SFSWAP: variants seen among roughly 807,000 people sequenced by gnomAD.
SFSWAP encodes the protein splicing factor SWAP, also known as splicing factor, suppressor of white-apricot homolog.
SFSWAP carries 17 observed loss-of-function variants against 100.7 expected under a neutral mutation model. The ratio of observed to expected loss-of-function variants is 0.17; its 90% CI spans 0.12 to 0.25. The LOEUF (loss-of-function observed/expected upper bound fraction) is 0.25. Among genes scored for constraint, SFSWAP ranks in the 10% least tolerant of loss-of-function variants. The pLI is 1.00. For missense variants in SFSWAP, 1,005 were observed against 1,262.6 expected (o/e 0.80, Z 3.09); for synonymous variants, 504 against 510.1 (o/e 0.99, Z 0.16).
intron 7 of SFSWAP, among the ~76,000 whole-genome samples, chr12:131,731,108 T>C (rs1879462569): frequency 6.6e-6 from 1 of 152,108 alleles, no homozygotes; most frequent in Non-Finnish European, 1.5e-5. Context: ...CCTCATCCAG[T>C]TTCCAAGAAG....
At chr12:131,742,632 A>C (rs890150837) in intron 7 of SFSWAP, among the ~76,000 whole-genome samples, 1 of 142,502 alleles carries the variant, frequency 7.0e-6, no homozygotes. Flanking sequence ...TTGTTGGGGG[A>C]CTTTTTTTTT....
rs185027261 is a variant in SFSWAP at position 131,741,398 on chromosome 12, G to A, written c.1082-11725G>A. Among the ~76,000 whole-genome samples, 538 of 152,308 alleles carry A rather than the reference G, an allele frequency of 3.5e-3. 5 individuals carry two copies. The highest frequency in any genetic ancestry group is 0.032 in the South Asian group (155 of 4,822). On this transcript the variant is annotated intron_variant, in intron 7 of 17. Transcript: ENST00000261674. ...CACCTGTAGTCCCAGCACTTTGGGA[G>A]GCCAAGGTGGGTGGATCTCTTGAGC...
At chr12:131,781,975 G>A (rs1285228369) in intron 14 of SFSWAP, among the ~76,000 whole-genome samples, 1 of 152,212 alleles carries the variant, frequency 6.6e-6, no homozygotes, top group Non-Finnish European at 1.5e-5. Flanking sequence ...CCCCTCCACA[G>A]GGCCAAGGGC....
intron 3 of SFSWAP, among the ~76,000 whole-genome samples, chr12:131,717,575 A>G (rs1414005720): frequency 6.6e-6 from 1 of 152,166 alleles, no homozygotes; most frequent in African/African-American, 2.4e-5. Flanking sequence ...AATAGACCAA[A>G]TCTGTTTAAC....
At chr12:131,746,847 A>T (rs533243260) in intron 7 of SFSWAP, among the ~76,000 whole-genome samples, 1 of 152,140 alleles carries the variant, frequency 6.6e-6, no homozygotes, top group South Asian at 2.1e-4. Context: ...GCTCACGCCT[A>T]TAATCCCAGC....
At chr12:131,753,559 G>C (rs557133367) in intron 8 of SFSWAP, 196 bp downstream of exon 8, 2 of 707,730 alleles carry the variant, frequency 2.8e-6, no homozygotes, top group East Asian at 5.5e-5. Context: ...AAACTTTTTA[G>C]CATTGAAGTT....
chr12:131,731,234 C>CG (rs917417962), intron 7 of SFSWAP, among the ~76,000 whole-genome samples: 1 of 152,214 alleles, frequency 6.6e-6, no homozygotes, highest in Admixed American at 6.5e-5. Flanking sequence ...GGCGTTACGT[C>CG]GGGTCCTCCA....
intron 3 of SFSWAP, among the ~76,000 whole-genome samples, chr12:131,715,256 T>G (rs1877784722): frequency 6.6e-6 from 1 of 152,192 alleles, no homozygotes; most frequent in South Asian, 2.1e-4. Context: ...TCCTCAGGGA[T>G]TCATTCTTGA....
At chr12:131,766,401 C>A in intron 13 of SFSWAP, 93 bp downstream of exon 13, 2 of 1,168,780 alleles carry the variant, frequency 1.7e-6, no homozygotes. Flanking sequence ...AGTCTCTGGC[C>A]TGAGTGAGGG....
At chr12:131,763,474 CTG>C (rs1348765352) in intron 11 of SFSWAP, among the ~76,000 whole-genome samples, 1 of 152,178 alleles carries the variant, frequency 6.6e-6, no homozygotes, top group Non-Finnish European at 1.5e-5. Context: ...GAAAGGGACT[CTG>C]TGTTCATTGA....
intron 15 of SFSWAP, among the ~76,000 whole-genome samples, chr12:131,790,995 A>G (rs962061296): frequency 2.0e-5 from 3 of 152,244 alleles, no homozygotes; most frequent in African/African-American, 7.2e-5. Flanking sequence ...CAAATGGGAC[A>G]AATAAAAACA....
At chr12:131,736,232 C>T (rs533153238) in intron 7 of SFSWAP, among the ~76,000 whole-genome samples, 1 of 152,180 alleles carries the variant, frequency 6.6e-6, no homozygotes, top group Non-Finnish European at 1.5e-5. Context: ...TGTTCTAAGA[C>T]ACAAAGAGCT....
intron 15 of SFSWAP, among the ~76,000 whole-genome samples, chr12:131,789,383 A>G (rs527882008): frequency 7.9e-5 from 12 of 152,150 alleles, no homozygotes; most frequent in Non-Finnish European, 1.8e-4. Flanking sequence ...ATGGGGCCAG[A>G]TTCAGTAGCT....
In SFSWAP at chr12:131,714,292, G is replaced by C. The variant is rs1288287799; in HGVS notation, c.388+52G>C. On this transcript the variant is annotated intron_variant, in intron 2 of 17. Transcript: ENST00000261674. The surrounding 1 kb of genome is among the most constrained non-coding windows in gnomAD (Gnocchi z 6.0). ...GCAACAAACTTTTTAAAATTTTTAA[G>C]TATTTAAAAATTTACTCCCATTCAT... 1 of 1,480,736 alleles carries C rather than the reference G, an allele frequency of 6.8e-7. No individual in the cohort carries two copies. The highest frequency in any genetic ancestry group is 9.2e-7 in the Non-Finnish European group (1 of 1,092,538). 91.7% of individuals were successfully genotyped at this position (1,480,736 alleles called of 1,614,324 possible).
intron 13 of SFSWAP, among the ~76,000 whole-genome samples, chr12:131,770,286 C>T (rs1366451191): frequency 1.3e-5 from 2 of 152,202 alleles, no homozygotes; most frequent in East Asian, 1.9e-4. Context: ...ATTCGGCCAC[C>T]GCACGCCCTG....
In SFSWAP at chr12:131,714,006, C is replaced by T; in HGVS notation, c.219-65C>T. On this transcript the variant is annotated intron_variant, in intron 1 of 17. Transcript: ENST00000261674. This position sits in a 1 kb window ranked among gnomAD's most constrained non-coding sequence, Gnocchi z 6.0. Reference sequence around the variant, plus strand: ...TGTATATATATATACATATATAAAACATCACACACGCACACCAGTCTAGAC... The same window carrying T: ...TGTATATATATATACATATATAAAATATCACACACGCACACCAGTCTAGAC... The T allele has an allele frequency of 1.7e-6, 2 of 1,193,468 alleles. No individual in the cohort carries two copies. Among genetic ancestry groups the T allele is most frequent in the South Asian group, 1.4e-5 (1 of 71,942 alleles). The allele number at this position is 1,193,468 out of a possible 1,614,324, so 73.9% of individuals were successfully genotyped here. A position where few individuals can be genotyped will look rare whatever the true frequency, so the allele number is the denominator to read the frequency against.
chr12:131,783,816 AT>A (rs1343086420), intron 14 of SFSWAP: 24 of 136,210 alleles, frequency 1.8e-4, no homozygotes, highest in African/African-American at 5.9e-4. Flanking sequence ...ATATATATAT[AT>A]ATATAATTCT....
At chr12:131,789,988 C>G (rs768303477) in intron 15 of SFSWAP, among the ~76,000 whole-genome samples, 1 of 152,226 alleles carries the variant, frequency 6.6e-6, no homozygotes, top group Non-Finnish European at 1.5e-5. Context: ...CTGCTCCCAG[C>G]AGCTGTCTTC....
intron 15 of SFSWAP, among the ~76,000 whole-genome samples, chr12:131,793,928 G>T (rs571209888): frequency 6.6e-6 from 1 of 152,174 alleles, no homozygotes; most frequent in South Asian, 2.1e-4. Context: ...GTGGGCACGG[G>T]CCCAGCGGCT....
Sources: allele counts gnomAD v4.1 joint callset (sites outside exome capture counted in the v4.1 genomes callset), GRCh38; gene constraint gnomAD v4.1.1; non-coding constraint Gnocchi (gnomAD v3.1); transcripts MANE v1.5; gene names NCBI Gene and HGNC (gene_info 2026-07-23, HGNC 2026-07-21).